Variants in PAK5 observed in about 807,000 individuals in gnomAD.
PAK5 encodes the protein p21 (RAC1) activated kinase 5.
Under a neutral mutation model 65.9 loss-of-function variants are expected in PAK5, and 16 were observed. The observed-to-expected ratio is 0.24, with a 90% CI of 0.16 to 0.37. The LOEUF (loss-of-function observed/expected upper bound fraction) is 0.37. Among genes scored for constraint, PAK5 ranks in the 10% least tolerant of loss-of-function variants. The probability of loss-of-function intolerance (pLI) is 1.00; values close to 1 mark genes in which losing one functional copy is unlikely to be tolerated. For synonymous variants in PAK5, 371 were observed against 354.9 expected, an observed-to-expected ratio of 1.05 and a Z score of -0.51; for missense variants, 785 against 903.9, an observed-to-expected ratio of 0.87 and a Z score of 1.69.
At chr20:9,805,184 C>T (rs1375838133) in intron 1 of PAK5, among the ~76,000 whole-genome samples, 2 of 152,168 alleles carry the variant, frequency 1.3e-5, no homozygotes, top group Admixed American at 6.5e-5. Flanking sequence ...TACCACTTCA[C>T]ACTCACTAGG....
chr20:9,552,285 AAGTC>A (rs2045440213), intron 7 of PAK5, among the ~76,000 whole-genome samples: 1 of 152,212 alleles, frequency 6.6e-6, no homozygotes, highest in Non-Finnish European at 1.5e-5. Flanking sequence ...GAATTTGTCA[AAGTC>A]AGTCACTCAC....
In PAK5 at chr20:9,838,205, G is replaced by A. The variant is rs73079512; in HGVS notation, c.-162+557C>T. Among the ~76,000 whole-genome samples the A allele has an allele frequency of 2.7e-5, 4 of 150,476 alleles. No homozygotes were observed. The highest frequency in any genetic ancestry group is 6.6e-5 in the Admixed American group (1 of 15,116). ...GGCGCGCGCGCACACACACACGCGC[G>A]CACACACACACACACACAAATAACA... On this transcript the variant is annotated intron_variant, in intron 1 of 9. Coordinates refer to ENST00000353224, the MANE Select transcript of PAK5 (RefSeq NM_177990.4). The surrounding 1 kb of genome is among the most constrained non-coding windows in gnomAD (Gnocchi z 4.5).
chr20:9,706,979 T>A (rs2048016231), intron 2 of PAK5, among the ~76,000 whole-genome samples: 1 of 152,180 alleles, frequency 6.6e-6, no homozygotes. Context: ...TTTTATTTTC[T>A]TGAATTCTGG....
intron 6 of PAK5, among the ~76,000 whole-genome samples, chr20:9,562,037 T>C (rs544259895): frequency 7.2e-5 from 11 of 152,320 alleles, no homozygotes; most frequent in African/African-American, 2.6e-4. Flanking sequence ...ACATATTCTT[T>C]CCTCTGCCTT....
chr20:9,814,344 T>A (rs1035507430), intron 1 of PAK5, among the ~76,000 whole-genome samples: 1 of 152,172 alleles, frequency 6.6e-6, no homozygotes, highest in Non-Finnish European at 1.5e-5. Context: ...GAAATGAGAA[T>A]GAAAATAAAT....
chr20:9,573,628 G>T (rs565415262), intron 4 of PAK5, among the ~76,000 whole-genome samples: 2 of 152,328 alleles, frequency 1.3e-5, no homozygotes, highest in South Asian at 2.1e-4. Context: ...GGGGAAGAAA[G>T]CTTGGTTAGG....
At chr20:9,611,631 G>A (rs1401585801) in intron 3 of PAK5, among the ~76,000 whole-genome samples, 3 of 152,302 alleles carry the variant, frequency 2.0e-5, no homozygotes, top group East Asian at 1.9e-4. Flanking sequence ...CAAGCTGCAC[G>A]TGCTAATAAA....
intron 1 of PAK5, among the ~76,000 whole-genome samples, chr20:9,814,610 A>G (rs1779349542): frequency 6.6e-6 from 1 of 152,330 alleles, no homozygotes; most frequent in Middle Eastern, 3.4e-3. Flanking sequence ...TCAGAGCTTT[A>G]TATCATATGC....
chr20:9,757,517 C>T (rs2048648891), intron 1 of PAK5, among the ~76,000 whole-genome samples: 1 of 152,144 alleles, frequency 6.6e-6, no homozygotes, highest in African/African-American at 2.4e-5. Flanking sequence ...AAGCTCTGTT[C>T]TCTTCTTCGA....
At chr20:9,604,827 T>A (rs2046422373) in intron 3 of PAK5, among the ~76,000 whole-genome samples, 1 of 152,182 alleles carries the variant, frequency 6.6e-6, no homozygotes, top group Non-Finnish European at 1.5e-5. Context: ...AGGCTAGGCA[T>A]TCTATGGCAG....
At chr20:9,808,988 T>C (rs2049265456) in intron 1 of PAK5, among the ~76,000 whole-genome samples, 1 of 152,174 alleles carries the variant, frequency 6.6e-6, no homozygotes, top group Admixed American at 6.6e-5. Flanking sequence ...ATATTAGTAA[T>C]ATGCTATTTG....
At chr20:9,722,349 G>C (rs2048225231) in intron 1 of PAK5, among the ~76,000 whole-genome samples, 2 of 152,070 alleles carry the variant, frequency 1.3e-5, no homozygotes, top group African/African-American at 2.4e-5. Flanking sequence ...GCCGGGCGTC[G>C]TGGCTGACGC....
chr20:9,787,984 G>GGT (rs1555926934), intron 1 of PAK5, among the ~76,000 whole-genome samples: 1 of 12,022 alleles, frequency 8.3e-5, no homozygotes, highest in Non-Finnish European at 2.0e-4. Context: ...TGTGTGTGTT[G>GGT]GGGGGGGTAT....
intron 1 of PAK5, among the ~76,000 whole-genome samples, chr20:9,783,780 A>G (rs960889216): frequency 3.9e-5 from 6 of 152,210 alleles, no homozygotes; most frequent in African/African-American, 1.4e-4. Flanking sequence ...AAGAAGAGTT[A>G]GAAACAGTGG....
At chr20:9,833,138 T>C (rs1978859813) in intron 1 of PAK5, among the ~76,000 whole-genome samples, 1 of 152,230 alleles carries the variant, frequency 6.6e-6, no homozygotes, top group Non-Finnish European at 1.5e-5. Context: ...GGAATTTCAT[T>C]TGGAGGGTCA....
intron 1 of PAK5, among the ~76,000 whole-genome samples, chr20:9,793,596 C>T (rs2049073089): frequency 6.6e-6 from 1 of 152,052 alleles, no homozygotes; most frequent in Non-Finnish European, 1.5e-5. Context: ...CATCACTGAT[C>T]ATTAGATAAA....
intron 1 of PAK5, among the ~76,000 whole-genome samples, chr20:9,771,352 C>T (rs915834008): frequency 6.6e-6 from 1 of 152,086 alleles, no homozygotes; most frequent in African/African-American, 2.4e-5. Context: ...CTAACATACT[C>T]CAGTTTTCTT....
At chr20:9,607,218 T>A (rs1323955529) in intron 3 of PAK5, among the ~76,000 whole-genome samples, 4 of 152,156 alleles carry the variant, frequency 2.6e-5, no homozygotes, top group African/African-American at 9.7e-5. Context: ...CAGCCCACTA[T>A]GGCTTCTCTG....
At chr20:9,622,475 G>A (rs1431670230) in intron 3 of PAK5, among the ~76,000 whole-genome samples, 4 of 152,180 alleles carry the variant, frequency 2.6e-5, no homozygotes, top group African/African-American at 9.7e-5. Context: ...ACCTCAAGAT[G>A]AAGTAAACAT....
Sources: allele counts gnomAD v4.1 joint callset (sites outside exome capture counted in the v4.1 genomes callset), GRCh38; gene constraint gnomAD v4.1.1; non-coding constraint Gnocchi (gnomAD v3.1); transcripts MANE v1.5; gene names NCBI Gene and HGNC (gene_info 2026-07-23, HGNC 2026-07-21).